Variants in DICER1 observed in about 807,000 individuals in gnomAD.
The protein encoded by DICER1 is dicer 1, ribonuclease III, also known as endoribonuclease Dicer.
A neutral mutation model predicts 194.1 loss-of-function variants in DICER1; 43 were observed. The ratio of observed to expected loss-of-function variants is 0.22; its 90% CI spans 0.17 to 0.29. The LOEUF (loss-of-function observed/expected upper bound fraction) is 0.29. Among genes scored for constraint, DICER1 ranks in the 10% least tolerant of loss-of-function variants. The probability of loss-of-function intolerance (pLI) is 1.00; values close to 1 mark genes in which losing one functional copy is unlikely to be tolerated. For synonymous variants in DICER1, 832 were observed against 820.5 expected (o/e 1.01, Z -0.24); for missense variants, 1,608 against 2,317.0 (o/e 0.69, Z 6.28).
intron 14 of DICER1, among the ~76,000 whole-genome samples, chr14:95,110,355 G>T (rs923448605): frequency 4.6e-5 from 7 of 152,196 alleles, no homozygotes; most frequent in Non-Finnish European, 8.8e-5. Context: ...CCACTCTGTG[G>T]CAGGGCACAC....
At chr14:95,135,199 G>A (rs1456534652) in intron 1 of DICER1, among the ~76,000 whole-genome samples, 1 of 151,954 alleles carries the variant, frequency 6.6e-6, no homozygotes, top group Admixed American at 6.6e-5. Context: ...TCTCCTTCAT[G>A]ACTACAGACT....
rs1889634779 is a variant in DICER1, at chr14:95,089,907, C to T, written c.*591G>A. On this transcript the variant is annotated 3_prime_UTR_variant, in exon 27 of 27. Transcript: ENST00000343455. ...AAATGTGATTCACCAACATGCCAGCCAATGTTCATTAAAAATCTGTCCCTT... is the reference window on the plus strand; with the variant it reads ...AAATGTGATTCACCAACATGCCAGCTAATGTTCATTAAAAATCTGTCCCTT... The T allele has an allele frequency of 4.3e-6, 1 of 232,068 alleles. No homozygotes were observed. The allele number at this position is 232,068 out of a possible 1,614,324, so 14.4% of individuals were successfully genotyped here.
At chr14:95,132,405 T>C in intron 3 of DICER1, 110 bp downstream of exon 3, 1 of 1,178,052 alleles carries the variant, frequency 8.5e-7, no homozygotes, top group South Asian at 1.2e-5. Flanking sequence ...GAGTACATTA[T>C]CTGTCAAACT....
At chr14:95,102,392 A>T (rs1302554523) in intron 21 of DICER1, among the ~76,000 whole-genome samples, 1 of 152,178 alleles carries the variant, frequency 6.6e-6, no homozygotes, top group African/African-American at 2.4e-5. Flanking sequence ...AACATTCAAA[A>T]CACGTGCAAA....
chr14:95,130,233 CT>C, intron 4 of DICER1, 41 bp from the exon 5 acceptor site: 3 of 1,590,974 alleles, frequency 1.9e-6, no homozygotes, highest in Non-Finnish European at 2.6e-6. Context: ...ATAGCATTCA[CT>C]GCCTGGATAT....
In DICER1 at chr14:95,090,272, G is replaced by A; in HGVS notation, c.*226C>T. 1 of 575,138 alleles carries A rather than the reference G, an allele frequency of 1.7e-6. No individual in the cohort carries two copies. The highest frequency in any genetic ancestry group is 3.1e-6 in the Non-Finnish European group (1 of 325,214). 35.6% of individuals were successfully genotyped at this position (575,138 alleles called of 1,614,324 possible). A position where few individuals can be genotyped will look rare whatever the true frequency, so the allele number is the denominator to read the frequency against. Reference sequence around the variant, plus strand: ...AAACAAAGCAGAAGTGAGGAAAGAAGATAAGATTGTGTTTGCGCAAAAAAC... The same window carrying A: ...AAACAAAGCAGAAGTGAGGAAAGAAAATAAGATTGTGTTTGCGCAAAAAAC... On this transcript the variant is annotated 3_prime_UTR_variant, in exon 27 of 27. Transcript: ENST00000343455.
chr14:95,087,125 C>A lies in DICER1; in HGVS notation c.*3373G>T, dbSNP rs1464484892. The A allele has an allele frequency of 8.6e-6, 2 of 233,156 alleles. No homozygotes were observed. The highest frequency in any genetic ancestry group is 1.7e-5 in the Non-Finnish European group (2 of 117,770). 14.4% of individuals were successfully genotyped at this position (233,156 alleles called of 1,614,324 possible). ...AGTGATCCTCTGCAGTGCCCACCTG[C>A]CTCCAGGGAGCGACTGAAGAAGCCG... is the stretch of plus-strand genomic sequence containing the variant. On this transcript the variant is annotated 3_prime_UTR_variant, in exon 27 of 27. Transcript: ENST00000343455.
rs1361980209 is a variant in DICER1 at position 95,089,394 on chromosome 14, G to A, written c.*1104C>T. ...AAGTATAGTAAGAAATTTATGTGAG[G>A]AGACTAAGGGTAAAGGTGCTGTGTT... On this transcript the variant is annotated 3_prime_UTR_variant, in exon 27 of 27. Transcript: ENST00000343455. The A allele has an allele frequency of 2.1e-5, 5 of 232,860 alleles. No individual in the cohort carries two copies. The highest frequency in any genetic ancestry group is 4.2e-5 in the Non-Finnish European group (5 of 117,898). 14.4% of individuals were successfully genotyped at this position (232,860 alleles called of 1,614,324 possible).
chr14:95,116,337 GATT>G, intron 10 of DICER1, 113 bp downstream of exon 10: 5 of 1,273,150 alleles, frequency 3.9e-6, no homozygotes, highest in Non-Finnish European at 5.5e-6. Context: ...CCTCTTTTGA[GATT>G]ATTGCCTGTA....
At position 95,124,378 on chromosome 14, in the gene DICER1, A is replaced by G. The variant is rs1893208538; in HGVS notation, c.1194T>C (p.Val398=). ...CCTGATTTCTATTATTATACCACTCAACGCTTTCAAACTGCTGTCGCTCAT... is the reference window on the plus strand; with the variant it reads ...CCTGATTTCTATTATTATACCACTCGACGCTTTCAAACTGCTGTCGCTCAT... ...KPYERQQFES[V]EWYNNRNQDN... is the part of the protein sequence containing the mutation. The change falls in exon 8 of 27, where the codon GTT becomes GTC. Residue 398 remains valine, a synonymous_variant. Transcript: ENST00000343455. This position sits in a 1 kb window ranked among gnomAD's most constrained non-coding sequence, Gnocchi z 4.5. 6.2e-7 allele frequency: 1 copy of G among 1,614,012 alleles called. No individual in the cohort carries two copies.
intron 1 of DICER1, among the ~76,000 whole-genome samples, chr14:95,144,970 C>T (rs1302233999): frequency 6.6e-6 from 1 of 152,180 alleles, no homozygotes; most frequent in Non-Finnish European, 1.5e-5. Flanking sequence ...ACCTTTTCTA[C>T]CAATGGTTTC....
At chr14:95,116,418 C>T (rs2140121982) in intron 10 of DICER1, 35 bp downstream of exon 10, 1 of 1,601,318 alleles carries the variant, frequency 6.2e-7, no homozygotes. Context: ...TTTTTTTTCC[C>T]AATCTGCCGG....
intron 21 of DICER1, 152 bp downstream of exon 21, chr14:95,103,194 G>C: frequency 1.2e-6 from 1 of 838,962 alleles, no homozygotes. Context: ...GGCTTTCGCT[G>C]GCCCTGGTAG....
chr14:95,108,257 G>GA, intron 15 of DICER1, 67 bp downstream of exon 15: 1 of 1,193,032 alleles, frequency 8.4e-7, no homozygotes, highest in Non-Finnish European at 1.2e-6. Flanking sequence ...CTTACTACTA[G>GA]TTTTTTTTTT....
chr14:95,123,996 T>C (rs1893161156), intron 8 of DICER1, among the ~76,000 whole-genome samples, 200 bp downstream of exon 8: 2 of 152,270 alleles, frequency 1.3e-5, no homozygotes, highest in South Asian at 2.1e-4. Context: ...GAAAAAAATA[T>C]CAGCCATATG....
At chr14:95,092,342 A>T (rs1451356646) in intron 24 of DICER1, among the ~76,000 whole-genome samples, 1 of 152,240 alleles carries the variant, frequency 6.6e-6, no homozygotes, top group Non-Finnish European at 1.5e-5. Flanking sequence ...TAGCATAATC[A>T]GGCAAATTTA....
intron 24 of DICER1, among the ~76,000 whole-genome samples, chr14:95,091,752 A>G (rs2139785945): frequency 6.6e-6 from 1 of 152,358 alleles, no homozygotes; most frequent in Middle Eastern, 3.4e-3. Context: ...CTGCTTGGCA[A>G]GCATTCAATA....
chr14:95,115,226 T>C (rs1892330855), intron 11 of DICER1, among the ~76,000 whole-genome samples: 2 of 152,238 alleles, frequency 1.3e-5, no homozygotes, highest in African/African-American at 4.8e-5. Context: ...GCATTTGCTG[T>C]TCTTAGCTCT....
In DICER1 at chr14:95,107,228, C is replaced by T. The variant is rs368581423; in HGVS notation, c.2804+380G>A. ...ATTACAATGCTAAAATCACAGCCCACTTATATTCCCATGTGAATAAGTGAA... is the reference window on the plus strand; with the variant it reads ...ATTACAATGCTAAAATCACAGCCCATTTATATTCCCATGTGAATAAGTGAA... On this transcript the variant is annotated intron_variant, in intron 17 of 26. Transcript: ENST00000343455. Among the ~76,000 whole-genome samples, 49 of 151,810 alleles carry T rather than the reference C, an allele frequency of 3.2e-4. 1 individual carries two copies. The East Asian group carries it at 4.5e-3, about 14-fold the overall frequency.
Sources: gnomAD v4.1 joint callset for allele counts (sites outside exome capture counted in the v4.1 genomes callset) on GRCh38, gnomAD v4.1.1 for gene constraint, Gnocchi (gnomAD v3.1) non-coding constraint, MANE v1.5 for transcripts, NCBI Gene and HGNC (gene_info 2026-07-23, HGNC 2026-07-21) for gene names.